Variants in JAKMIP2 observed in about 807,000 individuals in gnomAD.
The protein encoded by JAKMIP2 is janus kinase and microtubule-interacting protein 2.
Under a neutral mutation model 115.0 loss-of-function variants are expected in JAKMIP2, and 25 were observed. That is an observed-to-expected ratio of 0.22 (90% CI 0.16 to 0.30). The LOEUF is 0.30. Ranked by LOEUF, JAKMIP2 falls within the 10% of genes least tolerant of loss-of-function variation. The pLI is 1.00. For synonymous variants in JAKMIP2, 334 were observed against 343.6 expected (o/e 0.97, Z 0.31); for missense variants, 642 against 957.6 (o/e 0.67, Z 4.35).
chr5:147,605,059 A>G (rs958584723), intron 20 of JAKMIP2, among the ~76,000 whole-genome samples: 1 of 151,480 alleles, frequency 6.6e-6, no homozygotes, highest in Non-Finnish European at 1.5e-5. Context: ...CCCACTTATG[A>G]GTGAGAACAT....
intron 1 of JAKMIP2, among the ~76,000 whole-genome samples, chr5:147,715,368 C>A (rs1033340825): frequency 1.3e-5 from 2 of 151,184 alleles, no homozygotes; most frequent in Non-Finnish European, 3.0e-5. Context: ...ATTGGCATAC[C>A]AGGAAAAAAT....
At chr5:147,599,231 G>A (rs1755564672) in intron 21 of JAKMIP2, among the ~76,000 whole-genome samples, 1 of 152,128 alleles carries the variant, frequency 6.6e-6, no homozygotes, top group African/African-American at 2.4e-5. Context: ...TTATGCCTTT[G>A]ACATGCATAA....
chr5:147,595,684 T>C (rs1039349913), intron 21 of JAKMIP2: 8 of 324,516 alleles, frequency 2.5e-5, no homozygotes, highest in African/African-American at 1.3e-4. Context: ...TAAATATAAA[T>C]GTACCTTTTG....
intron 1 of JAKMIP2, among the ~76,000 whole-genome samples, chr5:147,750,799 G>A (rs1754522470): frequency 6.6e-6 from 1 of 152,088 alleles, no homozygotes; most frequent in Admixed American, 6.6e-5. Flanking sequence ...AAGAGAGGAA[G>A]AAACACCAGA....
rs542273551 is a variant in JAKMIP2, at chr5:147,663,847, C to T, written c.130-2402G>A. Among the ~76,000 whole-genome samples the T allele has an allele frequency of 3.9e-5, 6 of 152,246 alleles. No individual in the cohort carries two copies. In the South Asian group the frequency reaches 1.0e-3, roughly 26 times the overall value. ...TGATCTCACCTCCAGCTTACACCTACGGTCCCTTCCTGGAGGCCTCTTCTT... is the reference window on the plus strand; with the variant it reads ...TGATCTCACCTCCAGCTTACACCTATGGTCCCTTCCTGGAGGCCTCTTCTT... On this transcript the variant is annotated intron_variant, in intron 2 of 21. Coordinates refer to ENST00000616793, the MANE Select transcript of JAKMIP2 (RefSeq NM_001270941.2).
intron 17 of JAKMIP2, 71 bp from the exon 18 acceptor site, chr5:147,620,814 A>G: frequency 9.3e-7 from 1 of 1,074,662 alleles, no homozygotes; most frequent in African/African-American, 1.6e-5. Context: ...GGTATTGATT[A>G]ATGTTTCCTC....
In JAKMIP2 at chr5:147,661,077, C is replaced by T. The variant is rs779647414; in HGVS notation, c.498G>A (p.Val166=). 1.8e-5 allele frequency: 29 copies of T among 1,613,940 alleles called. No homozygotes were observed. The Admixed American group carries it at 2.0e-4, about 11-fold the overall frequency. The part of the protein sequence containing the change: ...IADLKTAKKQ[V]DEALSNMIQA... ...GGATCATATTGCTCAGAGCCTCGTC[C>T]ACCTGCTTCTTGGCCGTTTTCAGGT... Residue 166 remains valine (V), a synonymous_variant, in exon 3 of 22, where the codon GTG becomes GTA. Coordinates refer to ENST00000616793, the MANE Select transcript of JAKMIP2 (RefSeq NM_001270941.2).
At chr5:147,628,197 A>AT (rs1454349355) in intron 16 of JAKMIP2, among the ~76,000 whole-genome samples, 1 of 152,084 alleles carries the variant, frequency 6.6e-6, no homozygotes, top group Non-Finnish European at 1.5e-5. Context: ...TTATGCATTG[A>AT]TTCATGAGGT....
chr5:147,673,314 C>G (rs1484424208), intron 1 of JAKMIP2, among the ~76,000 whole-genome samples: 1 of 152,158 alleles, frequency 6.6e-6, no homozygotes, highest in African/African-American at 2.4e-5. Flanking sequence ...TCTCTTGCAA[C>G]CTTTCAGAAA....
chr5:147,651,466 T>C (rs1758390961), intron 3 of JAKMIP2, among the ~76,000 whole-genome samples: 1 of 152,212 alleles, frequency 6.6e-6, no homozygotes, highest in African/African-American at 2.4e-5. Context: ...GAAACCTTTC[T>C]TATCGTTTCA....
At chr5:147,595,482 C>T (rs1353826280) in intron 21 of JAKMIP2, 1 of 456,162 alleles carries the variant, frequency 2.2e-6, no homozygotes, top group Non-Finnish European at 4.4e-6. Context: ...AGACACCAGG[C>T]CCTCACCAGA....
intron 3 of JAKMIP2, among the ~76,000 whole-genome samples, chr5:147,654,890 A>G (rs1448022414): frequency 7.9e-5 from 12 of 151,222 alleles, no homozygotes; most frequent in Non-Finnish European, 1.5e-4. Context: ...TGTTCCACCA[A>G]TACTGAGAAT....
intron 1 of JAKMIP2, among the ~76,000 whole-genome samples, chr5:147,724,206 T>C (rs184153804): frequency 1.7e-4 from 26 of 152,318 alleles, no homozygotes; most frequent in Admixed American, 1.4e-3. Context: ...ACCTTAAATT[T>C]GTTTTTATTC....
intron 16 of JAKMIP2, among the ~76,000 whole-genome samples, chr5:147,626,498 C>A (rs1399940546): frequency 6.6e-6 from 1 of 152,164 alleles, no homozygotes; most frequent in Non-Finnish European, 1.5e-5. Context: ...GGGTGTGAAT[C>A]CTGACTCCAT....
chr5:147,597,221 C>T (rs1268964358), intron 21 of JAKMIP2, among the ~76,000 whole-genome samples: 1 of 152,074 alleles, frequency 6.6e-6, no homozygotes, highest in East Asian at 1.9e-4. Flanking sequence ...ATAATAGAGA[C>T]TGGTCATGTG....
chr5:147,777,241 T>C (rs1366285158), intron 1 of JAKMIP2, among the ~76,000 whole-genome samples: 1 of 152,174 alleles, frequency 6.6e-6, no homozygotes, highest in African/African-American at 2.4e-5. Context: ...TCACGACTGC[T>C]TTAAATCAAG....
At chr5:147,671,657 C>G in intron 2 of JAKMIP2, 21 bp downstream of exon 2, 2 of 1,381,092 alleles carry the variant, frequency 1.4e-6, no homozygotes, top group Non-Finnish European at 1.9e-6. Context: ...AATGCCACGA[C>G]CTCAGGTAGC....
intron 1 of JAKMIP2, among the ~76,000 whole-genome samples, chr5:147,725,006 C>G (rs1309692696): frequency 6.6e-6 from 1 of 151,842 alleles, no homozygotes; most frequent in Non-Finnish European, 1.5e-5. Flanking sequence ...TCACAAAGAC[C>G]TTGCTGATAA....
At chr5:147,735,645 A>G (rs1580854665) in intron 1 of JAKMIP2, among the ~76,000 whole-genome samples, 3 of 152,218 alleles carry the variant, frequency 2.0e-5, no homozygotes, top group South Asian at 4.1e-4. Context: ...GGACACAGCC[A>G]AACCCTATCA....
Sources: gnomAD v4.1 joint callset for allele counts (sites outside exome capture counted in the v4.1 genomes callset) on GRCh38, gnomAD v4.1.1 for gene constraint, MANE v1.5 for transcripts, NCBI Gene and HGNC (gene_info 2026-07-23, HGNC 2026-07-21) for gene names.